Variants in INIP observed in about 807,000 individuals in gnomAD.
INIP encodes the protein INTS3 and NABP interacting protein.
Under a neutral mutation model 14.0 loss-of-function variants are expected in INIP, and 9 were observed. That is an observed-to-expected ratio of 0.64 (90% CI 0.39 to 1.12). The LOEUF is 1.12. INIP is among the 50% of genes most tolerant of loss of function. INIP has a pLI of 0.01. For missense variants in INIP, 78 were observed against 122.7 expected (o/e 0.64, Z 1.72); for synonymous variants, 37 against 41.5 (o/e 0.89, Z 0.41).
intron 2 of INIP, among the ~76,000 whole-genome samples, chr9:112,702,757 G>A (rs1588082483): frequency 6.6e-6 from 1 of 152,092 alleles, no homozygotes; most frequent in Non-Finnish European, 1.5e-5. Context: ...TAGAAACGGA[G>A]TTTCAACATG....
chr9:112,700,384 G>T (rs556036766), intron 2 of INIP, among the ~76,000 whole-genome samples: 10 of 151,994 alleles, frequency 6.6e-5, no homozygotes, highest in African/African-American at 1.4e-4. Flanking sequence ...TTTCCATGGG[G>T]TGCTAGGATG....
rs1837663209 is a variant in INIP at position 112,686,304 on chromosome 9, A to G, written c.*1234T>C. 4.6e-5 allele frequency: 7 copies of G among 152,214 alleles called. No homozygotes were observed. In the South Asian group the frequency reaches 1.4e-3, roughly 31 times the overall value. 9.4% of individuals were successfully genotyped at this position (152,214 alleles called of 1,614,324 possible). ...CACGAAAATCTGTACAAGATATTTC[A>G]TAGAATTCTCTATCTCATGGTTTTC... is the stretch of plus-strand genomic sequence containing the variant. On this transcript the variant is annotated 3_prime_UTR_variant, in exon 5 of 5. Coordinates refer to ENST00000374242, the MANE Select transcript of INIP (RefSeq NM_021218.3).
chr9:112,706,972 C>T (rs540100663), intron 2 of INIP, among the ~76,000 whole-genome samples: 2 of 152,054 alleles, frequency 1.3e-5, no homozygotes, highest in Admixed American at 6.5e-5. Context: ...AGTGCAATGG[C>T]GTGATCTCGG....
chr9:112,694,257 G>A (rs1272163202), intron 2 of INIP, 24 bp from the exon 3 acceptor site: 1 of 1,336,480 alleles, frequency 7.5e-7, no homozygotes, highest in Non-Finnish European at 1.1e-6. Context: ...GGGAATAGGA[G>A]AAAAGGGAGA....
chr9:112,704,252 A>G (rs1415240777), intron 2 of INIP, among the ~76,000 whole-genome samples: 3 of 152,160 alleles, frequency 2.0e-5, no homozygotes, highest in Non-Finnish European at 4.4e-5. Flanking sequence ...GATCACACAC[A>G]ATGACCGAGT....
chr9:112,711,270 A>T (rs559660136), intron 2 of INIP, among the ~76,000 whole-genome samples: 147 of 152,298 alleles, frequency 9.7e-4, no homozygotes, highest in African/African-American at 3.4e-3. Context: ...CTAGAACATG[A>T]TGTGGACTCC....
At chr9:112,717,798 G>T (rs866601587) in intron 1 of INIP, among the ~76,000 whole-genome samples, 189 bp downstream of exon 1, 17 of 152,182 alleles carry the variant, frequency 1.1e-4, no homozygotes, top group Admixed American at 5.2e-4. Context: ...AAAGGTCCCT[G>T]CCTACGGATG....
chr9:112,699,001 TTTC>T lies in INIP; in HGVS notation c.26-4771_26-4769del, dbSNP rs567112576. Among the ~76,000 whole-genome samples, 322 of 152,306 alleles carry T rather than the reference TTTC, an allele frequency of 2.1e-3. 3 individuals carry two copies. Among genetic ancestry groups the T allele is most frequent in the Middle Eastern group, 0.017 (5 of 294 alleles). On this transcript the variant is annotated intron_variant, in intron 2 of 4. Transcript: ENST00000374242. ...ACCTGAGACATCTTTTAGGAAATTA[TTTC>T]TTATTTGCATTATTATTTTTATTTA...
intron 2 of INIP, among the ~76,000 whole-genome samples, chr9:112,703,634 T>C (rs1251736615): frequency 6.6e-6 from 1 of 152,122 alleles, no homozygotes; most frequent in Non-Finnish European, 1.5e-5. Flanking sequence ...TCAAAATCGA[T>C]TGGACTATCT....
At chr9:112,714,348 C>T (rs150132604) in intron 2 of INIP, among the ~76,000 whole-genome samples, 1 of 152,290 alleles carries the variant, frequency 6.6e-6, no homozygotes, top group East Asian at 1.9e-4. Flanking sequence ...GGAATTCAGA[C>T]TTGATACAGA....
chr9:112,695,805 GAGGAGAAGAAGAAGGAGAAGAAGA>G (rs199557079), intron 2 of INIP, among the ~76,000 whole-genome samples: 2 of 143,014 alleles, frequency 1.4e-5, no homozygotes, highest in South Asian at 2.3e-4. Context: ...GGAGGAGGAG[GAGGAGAAGAAGAAGGAGAAGAAGA>G]AGGAGAAGAA....
At position 112,686,546 on chromosome 9, in the gene INIP, G is replaced by A. The variant is rs1411781405; in HGVS notation, c.*992C>T. On this transcript the variant is annotated 3_prime_UTR_variant, in exon 5 of 5. Coordinates refer to ENST00000374242, the MANE Select transcript of INIP (RefSeq NM_021218.3). ...CAAAGACTCACTGTCACCCAGGCTG[G>A]AGTGCAGTGACACCGTCTCAGCTCA... The A allele has an allele frequency of 6.6e-6, 1 of 152,138 alleles. No individual in the cohort carries two copies. The highest frequency in any genetic ancestry group is 1.5e-5 in the Non-Finnish European group (1 of 68,036). The allele number at this position is 152,138 out of a possible 1,614,324, so 9.4% of individuals were successfully genotyped here. A position where few individuals can be genotyped will look rare whatever the true frequency, so the allele number is the denominator to read the frequency against.
intron 2 of INIP, among the ~76,000 whole-genome samples, chr9:112,712,202 C>G (rs975770841): frequency 2.6e-5 from 4 of 152,158 alleles, no homozygotes; most frequent in African/African-American, 9.7e-5. Context: ...AAAATCCACT[C>G]AAAGTTTCAC....
intron 4 of INIP, among the ~76,000 whole-genome samples, chr9:112,688,306 G>A (rs958904679): frequency 6.6e-6 from 1 of 151,934 alleles, no homozygotes; most frequent in Non-Finnish European, 1.5e-5. Flanking sequence ...AGGAAAACAA[G>A]TATCAAAGAT....
intron 2 of INIP, among the ~76,000 whole-genome samples, chr9:112,712,816 T>G (rs970885403): frequency 1.3e-5 from 2 of 152,176 alleles, no homozygotes; most frequent in Non-Finnish European, 2.9e-5. Flanking sequence ...TTGGAGTATT[T>G]GAATAATGGA....
intron 4 of INIP, among the ~76,000 whole-genome samples, 176 bp downstream of exon 4, chr9:112,689,351 A>G (rs1228201018): frequency 6.6e-6 from 1 of 152,260 alleles, no homozygotes; most frequent in Non-Finnish European, 1.5e-5. Flanking sequence ...TACTTTCATT[A>G]CTGCTGCACT....
At position 112,686,499 on chromosome 9, in the gene INIP, CTTTTTCTT is replaced by C. The variant is rs1185008960; in HGVS notation, c.*1031_*1038del. 1.3e-5 allele frequency: 2 copies of C among 151,958 alleles called. No individual in the cohort carries two copies. The highest frequency in any genetic ancestry group is 2.9e-5 in the Non-Finnish European group (2 of 68,012). 9.4% of individuals were successfully genotyped at this position (151,958 alleles called of 1,614,324 possible). On this transcript the variant is annotated 3_prime_UTR_variant, in exon 5 of 5. Coordinates refer to ENST00000374242, the MANE Select transcript of INIP (RefSeq NM_021218.3). ...AAGGAGCTCGACTTGCATAAGTTTTCTTTTTCTTTTTTTCTTTGAGACAAAGACTCACT... is the reference window on the plus strand; with the variant it reads ...AAGGAGCTCGACTTGCATAAGTTTTCTTTTTCTTTGAGACAAAGACTCACT...
chr9:112,700,972 G>GATAT (rs954019626), intron 2 of INIP, among the ~76,000 whole-genome samples: 1 of 151,852 alleles, frequency 6.6e-6, no homozygotes, highest in East Asian at 1.9e-4. Context: ...ACAGAAAACA[G>GATAT]ATATATATAT....
chr9:112,691,043 T>C (rs937123511), intron 3 of INIP, among the ~76,000 whole-genome samples: 1 of 152,256 alleles, frequency 6.6e-6, no homozygotes, highest in African/African-American at 2.4e-5. Flanking sequence ...AATTTTGTTA[T>C]ATTTCTGTTA....
Sources: gnomAD v4.1 joint callset for allele counts (sites outside exome capture counted in the v4.1 genomes callset) on GRCh38, gnomAD v4.1.1 for gene constraint, MANE v1.5 for transcripts, NCBI Gene and HGNC (gene_info 2026-07-23, HGNC 2026-07-21) for gene names.